ST7L: variants seen among roughly 807,000 people sequenced by gnomAD.
The protein encoded by ST7L is suppressor of tumorigenicity 7 protein-like.
A neutral mutation model predicts 72.5 loss-of-function variants in ST7L; 57 were observed. That is an observed-to-expected ratio of 0.79 (90% CI 0.64 to 0.98). ST7L has a LOEUF of 0.98. Among genes scored for constraint, ST7L ranks in the 50% least tolerant of loss-of-function variants. ST7L has a pLI of 0.00. For synonymous variants in ST7L, 221 were observed against 240.9 expected (o/e 0.92, Z 0.77); for missense variants, 576 against 672.2 (o/e 0.86, Z 1.58).
At chr1:112,585,874 A>G (rs1158453031) in intron 6 of ST7L, among the ~76,000 whole-genome samples, 2 of 152,262 alleles carry the variant, frequency 1.3e-5, no homozygotes, top group East Asian at 3.8e-4. Context: ...ATTTCTAATA[A>G]TTAGTGCTTA....
At chr1:112,545,252 T>C (rs1656857207) in intron 13 of ST7L, among the ~76,000 whole-genome samples, 1 of 151,884 alleles carries the variant, frequency 6.6e-6, no homozygotes, top group South Asian at 2.1e-4. Flanking sequence ...TTCTGGAGTT[T>C]GCACCAAGTT....
At chr1:112,592,312 AAAATAGAGAAC>A (rs1665840978) in intron 5 of ST7L, among the ~76,000 whole-genome samples, 1 of 152,244 alleles carries the variant, frequency 6.6e-6, no homozygotes, top group African/African-American at 2.4e-5. Context: ...TTTGATAAGA[AAAATAGAGAAC>A]CTATGAGTGT....
chr1:112,606,278 A>G (rs1338767796), intron 3 of ST7L, among the ~76,000 whole-genome samples: 2 of 152,144 alleles, frequency 1.3e-5, no homozygotes, highest in Non-Finnish European at 2.9e-5. Context: ...TCTCCTATTC[A>G]TCTCTTTCCT....
chr1:112,564,439 C>A (rs967843026), intron 11 of ST7L, among the ~76,000 whole-genome samples: 1 of 152,164 alleles, frequency 6.6e-6, no homozygotes, highest in Admixed American at 6.5e-5. Flanking sequence ...CTATGCCACT[C>A]GGAATGTCAA....
chr1:112,556,416 G>T (rs1187191946), intron 11 of ST7L, among the ~76,000 whole-genome samples: 2 of 152,064 alleles, frequency 1.3e-5, no homozygotes, highest in Non-Finnish European at 2.9e-5. Flanking sequence ...CTGAAAGGAA[G>T]AATTAAATAT....
intron 11 of ST7L, among the ~76,000 whole-genome samples, chr1:112,564,847 T>C (rs565136285): frequency 6.7e-6 from 1 of 149,012 alleles, no homozygotes; most frequent in African/African-American, 2.4e-5. Context: ...AAAGAGCTAC[T>C]ATCTTCTAGG....
At chr1:112,554,896 CG>C (rs1310067945) in intron 12 of ST7L, among the ~76,000 whole-genome samples, 2 of 152,066 alleles carry the variant, frequency 1.3e-5, no homozygotes, top group Non-Finnish European at 2.9e-5. Context: ...ACAAAAATTA[CG>C]TAATTCCACT....
rs1455035956 is a variant in ST7L at position 112,523,732 on chromosome 1, A to T, written c.*2281T>A. 6.6e-6 allele frequency: 1 copy of T among 152,186 alleles called. No individual in the cohort carries two copies. The highest frequency in any genetic ancestry group is 2.4e-5 in the African/African-American group (1 of 41,440). The allele number at this position is 152,186 out of a possible 1,614,324, so 9.4% of individuals were successfully genotyped here. A position where few individuals can be genotyped will look rare whatever the true frequency, so the allele number is the denominator to read the frequency against. Reference sequence around the variant, plus strand: ...CTTTTAATAAACATTTAGGTATAATACATTACAGTAAGTGCTATTTAGATA... The same window carrying T: ...CTTTTAATAAACATTTAGGTATAATTCATTACAGTAAGTGCTATTTAGATA... On this transcript the variant is annotated 3_prime_UTR_variant, in exon 15 of 15. Coordinates refer to ENST00000358039, the MANE Select transcript of ST7L (RefSeq NM_017744.5).
At chr1:112,599,073 A>AAAAATATATATATATATAT (rs1190968815) in intron 4 of ST7L, among the ~76,000 whole-genome samples, 1 of 56,990 alleles carries the variant, frequency 1.8e-5, no homozygotes, top group African/African-American at 6.9e-5. Flanking sequence ...AAAAAAAAAA[A>AAAAATATATATATATATAT]ATATATATAT....
intron 14 of ST7L, among the ~76,000 whole-genome samples, chr1:112,531,894 T>C (rs1020882601): frequency 6.6e-6 from 1 of 152,240 alleles, no homozygotes; most frequent in African/African-American, 2.4e-5. Context: ...CAGGCCCTAT[T>C]GGAGTCCTTC....
At chr1:112,603,155 T>C (rs553562762) in intron 3 of ST7L, among the ~76,000 whole-genome samples, 1 of 152,336 alleles carries the variant, frequency 6.6e-6, no homozygotes, top group East Asian at 1.9e-4. Flanking sequence ...ACTGTGAGCC[T>C]GGCAAATTTC....
At chr1:112,573,507 A>G (rs72982508) in intron 11 of ST7L, among the ~76,000 whole-genome samples, 9,308 of 152,124 alleles carry the variant, frequency 0.061, 685 homozygotes, top group African/African-American at 0.17. Context: ...TAACAAAAAC[A>G]TAAGAAGAAA....
At chr1:112,550,544 G>A (rs1570961548) in intron 13 of ST7L, 57 bp downstream of exon 13, 3 of 1,343,278 alleles carry the variant, frequency 2.2e-6, no homozygotes, top group Non-Finnish European at 3.2e-6. Flanking sequence ...AGAATACTAT[G>A]ACAAACAATC....
downstream of ST7L, among the ~76,000 whole-genome samples, chr1:112,519,400 C>T (rs998137704): frequency 1.3e-5 from 2 of 152,120 alleles, no homozygotes; most frequent in Non-Finnish European, 2.9e-5. Flanking sequence ...CCGTTTTGAA[C>T]CTAGGCTAGT....
chr1:112,579,984 T>C (rs1312712876), intron 9 of ST7L, among the ~76,000 whole-genome samples: 2 of 152,284 alleles, frequency 1.3e-5, no homozygotes, highest in Non-Finnish European at 2.9e-5. Flanking sequence ...CACAAATTTC[T>C]CCATGAGCCT....
chr1:112,531,171 C>A (rs1366108266), intron 14 of ST7L, among the ~76,000 whole-genome samples: 2 of 152,094 alleles, frequency 1.3e-5, no homozygotes, highest in African/African-American at 4.8e-5. Context: ...TACTGAAAAC[C>A]AGGATGGCTA....
chr1:112,607,804 T>A (rs1020671004), intron 3 of ST7L, among the ~76,000 whole-genome samples: 11 of 152,090 alleles, frequency 7.2e-5, no homozygotes, highest in African/African-American at 2.7e-4. Flanking sequence ...TAGTTTCATT[T>A]TGGATGGAGT....
intron 6 of ST7L, among the ~76,000 whole-genome samples, chr1:112,590,107 T>G (rs1281197994): frequency 6.6e-6 from 1 of 152,214 alleles, no homozygotes; most frequent in Non-Finnish European, 1.5e-5. Flanking sequence ...GGGAGAGTTT[T>G]GAAATTGAAA....
At chr1:112,530,407 G>A (rs1217911691) in intron 14 of ST7L, among the ~76,000 whole-genome samples, 1 of 152,018 alleles carries the variant, frequency 6.6e-6, no homozygotes, top group Non-Finnish European at 1.5e-5. Flanking sequence ...TCAAGGAGAG[G>A]TTCTGTGCCT....
Sources: allele counts gnomAD v4.1 joint callset (sites outside exome capture counted in the v4.1 genomes callset), GRCh38; gene constraint gnomAD v4.1.1; transcripts MANE v1.5; gene names NCBI Gene and HGNC (gene_info 2026-07-23, HGNC 2026-07-21).